LMX1B: variants seen among roughly 807,000 people sequenced by gnomAD.
The protein encoded by LMX1B is LIM homeobox transcription factor 1-beta.
LMX1B carries 12 observed loss-of-function variants against 51.4 expected under a neutral mutation model. The ratio of observed to expected loss-of-function variants is 0.23; its 90% CI spans 0.15 to 0.38. The LOEUF is 0.38. Ranked by LOEUF, LMX1B falls within the 10% of genes least tolerant of loss-of-function variation. LMX1B has a pLI of 1.00. For missense variants in LMX1B, 445 were observed against 571.1 expected (o/e 0.78, Z 2.25); for synonymous variants, 237 against 235.4 (o/e 1.01, Z -0.06).
intron 2 of LMX1B, among the ~76,000 whole-genome samples, chr9:126,630,636 T>G (rs2118859082): frequency 6.6e-6 from 1 of 152,304 alleles, no homozygotes; most frequent in East Asian, 1.9e-4. Flanking sequence ...AGAGAGAGGC[T>G]CTGAATCATC....
At chr9:126,686,124 C>A (rs1490291177) in intron 2 of LMX1B, among the ~76,000 whole-genome samples, 2 of 151,738 alleles carry the variant, frequency 1.3e-5, no homozygotes, top group Non-Finnish European at 2.9e-5. Flanking sequence ...CTAAAAAATA[C>A]AAAAAATTAG....
At position 126,695,453 on chromosome 9, in the gene LMX1B, T is replaced by G. The variant is rs2030291187; in HGVS notation, c.887-386T>G. On this transcript the variant is annotated intron_variant, in intron 6 of 7. Coordinates refer to ENST00000373474, the MANE Select transcript of LMX1B (RefSeq NM_001174147.2). This position sits in a 1 kb window ranked among gnomAD's most constrained non-coding sequence, Gnocchi z 5.2. Reference sequence around the variant, plus strand: ...GGCCTGTTGAGCCCCTGCTAGTTCTTTAAGTCACATCAGGGCGGGGGCCCT... The same window carrying G: ...GGCCTGTTGAGCCCCTGCTAGTTCTGTAAGTCACATCAGGGCGGGGGCCCT... Among the ~76,000 whole-genome samples, 1 of 149,456 alleles carries G rather than the reference T, an allele frequency of 6.7e-6. No individual in the cohort carries two copies. Among genetic ancestry groups the G allele is most frequent in the Admixed American group, 6.7e-5 (1 of 14,904 alleles).
At chr9:126,686,519 G>A (rs181439154) in intron 2 of LMX1B, among the ~76,000 whole-genome samples, 1 of 152,292 alleles carries the variant, frequency 6.6e-6, no homozygotes, top group Non-Finnish European at 1.5e-5. Context: ...TGATCCCCTG[G>A]AGGGGAAAAA....
At chr9:126,656,383 TTAGATAGATAGATAGATAGATAGA>T (rs3052900) in intron 2 of LMX1B, among the ~76,000 whole-genome samples, 142 of 143,972 alleles carry the variant, frequency 9.9e-4, no homozygotes, top group Admixed American at 5.5e-3. Context: ...GATCTGGTCT[TTAGATAGATAGATAGATAGATAGA>T]TAGATAGATA....
chr9:126,679,138 A>G (rs1836625289), intron 2 of LMX1B, among the ~76,000 whole-genome samples: 1 of 152,248 alleles, frequency 6.6e-6, no homozygotes, highest in Non-Finnish European at 1.5e-5. Context: ...ATTCCCCATC[A>G]CCTAGCACAG....
chr9:126,650,414 C>T (rs540826114), intron 2 of LMX1B, among the ~76,000 whole-genome samples: 1 of 152,192 alleles, frequency 6.6e-6, no homozygotes, highest in Non-Finnish European at 1.5e-5. Flanking sequence ...GAGGGGGCAG[C>T]CTTGTTTTGT....
Position 126,626,748 on chromosome 9 carries a change from C to T in LMX1B, c.326+11179C>T, listed in dbSNP as rs542646776. ...AGCAAGGAGGCGGCGGCGGAGCAAA[C>T]TCTGCGGATTAGGTTTCAGCGCCTC... On this transcript the variant is annotated intron_variant, in intron 2 of 7. Transcript: ENST00000373474. This position sits in a 1 kb window ranked among gnomAD's most constrained non-coding sequence, Gnocchi z 4.3. Among the ~76,000 whole-genome samples, 2 of 152,210 alleles carry T rather than the reference C, an allele frequency of 1.3e-5. No individual in the cohort carries two copies. Among genetic ancestry groups the T allele is most frequent in the Non-Finnish European group, 2.9e-5 (2 of 68,042 alleles).
At chr9:126,654,800 C>G (rs1356881301) in intron 2 of LMX1B, among the ~76,000 whole-genome samples, 1 of 152,228 alleles carries the variant, frequency 6.6e-6, no homozygotes, top group Non-Finnish European at 1.5e-5. Flanking sequence ...CTTGGTATCT[C>G]TCATCTTTAC....
Position 126,696,458 on chromosome 9 carries a change from G to A in LMX1B, c.*7G>A. 1.9e-6 allele frequency: 3 copies of A among 1,613,768 alleles called. No homozygotes were observed. Among genetic ancestry groups the A allele is most frequent in the Non-Finnish European group, 2.5e-6 (3 of 1,179,876 alleles). On this transcript the variant is annotated 3_prime_UTR_variant, in exon 8 of 8. Transcript: ENST00000373474. ...TTCCTACTTCGCCTCCTGAGAGCCA[G>A]CCAGGCGCACGGACGCTTGGGCAGG...
At chr9:126,640,936 G>A (rs1286927377) in intron 2 of LMX1B, 2 of 152,256 alleles carry the variant, frequency 1.3e-5, no homozygotes, top group Non-Finnish European at 2.9e-5. Context: ...AGGACAGCTC[G>A]GGCCAGACTA....
rs1415953204 is a variant in LMX1B, at chr9:126,697,839, GTTTT to G, written c.*1389_*1392del. On this transcript the variant is annotated 3_prime_UTR_variant, in exon 8 of 8. Transcript: ENST00000373474. ...TATATGCAGGATGGGGGCACCTACT[GTTTT>G]GTTTTGTTTTGTTTTGTTTTGTTTT... The G allele has an allele frequency of 0.047, 2,121 of 45,434 alleles. 40 individuals carry two copies. Among genetic ancestry groups the G allele is most frequent in the African/African-American group, 0.1 (1,575 of 15,416 alleles). 2.8% of individuals were successfully genotyped at this position (45,434 alleles called of 1,614,324 possible).
intron 2 of LMX1B, among the ~76,000 whole-genome samples, chr9:126,683,631 C>A (rs1836718784): frequency 6.6e-6 from 1 of 152,212 alleles, no homozygotes; most frequent in Non-Finnish European, 1.5e-5. Context: ...ACCTCAGCCA[C>A]CACACTGAGC....
intron 2 of LMX1B, among the ~76,000 whole-genome samples, chr9:126,621,655 C>CTTTTTTTTTTTTTTTTTTTTTTTTT (rs71377950): frequency 8.6e-6 from 1 of 116,904 alleles, no homozygotes. Flanking sequence ...TCTCTCTCTT[C>CTTTTTTTTTTTTTTTTTTTTTTTTT]TTTTTTTTTT....
In LMX1B at chr9:126,668,886, G is replaced by T. The variant is rs1250088343; in HGVS notation, c.327-21950G>T. On this transcript the variant is annotated intron_variant, in intron 2 of 7. Transcript: ENST00000373474. Reference sequence around the variant, plus strand: ...GGGATGATAGACAGGCAGGGAGAGGGGCCTTCTGGAACCTGGCTCTTTGTA... The same window carrying T: ...GGGATGATAGACAGGCAGGGAGAGGTGCCTTCTGGAACCTGGCTCTTTGTA... Among the ~76,000 whole-genome samples the T allele has an allele frequency of 2.0e-5, 3 of 152,254 alleles. No individual in the cohort carries two copies. In the East Asian group the frequency reaches 5.8e-4, roughly 29 times the overall value.
chr9:126,639,957 G>T (rs1472806696), intron 2 of LMX1B, among the ~76,000 whole-genome samples: 2 of 152,232 alleles, frequency 1.3e-5, no homozygotes, highest in Non-Finnish European at 2.9e-5. Flanking sequence ...TTGCAGCCTG[G>T]TAGTTTATTG....
intron 2 of LMX1B, among the ~76,000 whole-genome samples, chr9:126,682,083 C>CTTTTTTTTTTT (rs71377953): frequency 7.5e-5 from 4 of 53,378 alleles, no homozygotes; most frequent in Admixed American, 2.8e-4. Flanking sequence ...TCCCCAGGGT[C>CTTTTTTTTTTT]TTTTTTTTTT....
In LMX1B at chr9:126,622,488, C is replaced by T. The variant is rs753582235; in HGVS notation, c.326+6919C>T. Among the ~76,000 whole-genome samples the T allele has an allele frequency of 1.1e-3, 172 of 152,282 alleles. 3 individuals are homozygous for T. The highest frequency in any genetic ancestry group is 6.8e-4 in the Non-Finnish European group (46 of 68,016). On this transcript the variant is annotated intron_variant, in intron 2 of 7. Coordinates refer to ENST00000373474, the MANE Select transcript of LMX1B (RefSeq NM_001174147.2). Reference sequence around the variant, plus strand: ...AGCTGAGCATGCTGAGACACAGGGCCGCCAGGGGTCCCTCCCCCAAGCGCC... The same window carrying T: ...AGCTGAGCATGCTGAGACACAGGGCTGCCAGGGGTCCCTCCCCCAAGCGCC...
Position 126,671,669 on chromosome 9 carries a change from G to A in LMX1B, c.327-19167G>A, listed in dbSNP as rs1195063926. Among the ~76,000 whole-genome samples, 1 of 152,202 alleles carries A rather than the reference G, an allele frequency of 6.6e-6. No individual in the cohort carries two copies. On this transcript the variant is annotated intron_variant, in intron 2 of 7. Transcript: ENST00000373474. This position sits in a 1 kb window ranked among gnomAD's most constrained non-coding sequence, Gnocchi z 4.4. ...AGGCGCACCCCGGGATGAGAGGTCA[G>A]CGGGCCTGCCCTGTGCCGAGCGGTG...
rs1030160182 is a variant in LMX1B at position 126,671,683 on chromosome 9, T to C, written c.327-19153T>C. On this transcript the variant is annotated intron_variant, in intron 2 of 7. Coordinates refer to ENST00000373474, the MANE Select transcript of LMX1B (RefSeq NM_001174147.2). The surrounding 1 kb of genome is among the most constrained non-coding windows in gnomAD (Gnocchi z 4.4). ...ATGAGAGGTCAGCGGGCCTGCCCTG[T>C]GCCGAGCGGTGGAATTTTTCAATAA... is the stretch of plus-strand genomic sequence containing the variant. 3.3e-5 allele frequency among the ~76,000 whole-genome samples: 5 copies of C among 152,094 alleles called. No individual in the cohort carries two copies.
Sources: gnomAD v4.1 joint callset for allele counts (sites outside exome capture counted in the v4.1 genomes callset) on GRCh38, gnomAD v4.1.1 for gene constraint, Gnocchi (gnomAD v3.1) non-coding constraint, MANE v1.5 for transcripts, NCBI Gene and HGNC (gene_info 2026-07-23, HGNC 2026-07-21) for gene names.